The following FLT4 variants were observed in gnomAD, a reference collection of about 807,000 sequenced individuals.
The protein encoded by FLT4 is fms related receptor tyrosine kinase 4, also known as vascular endothelial growth factor receptor 3.
A neutral mutation model predicts 163.2 loss-of-function variants in FLT4; 30 were observed. The ratio of observed to expected loss-of-function variants is 0.18; its 90% CI spans 0.14 to 0.25. The LOEUF (loss-of-function observed/expected upper bound fraction) is 0.25, where lower values mean the gene tolerates loss of function less well. Ranked by LOEUF, FLT4 falls within the 10% of genes least tolerant of loss-of-function variation. The pLI is 1.00. For missense variants in FLT4, 1,510 were observed against 1,863.8 expected, an observed-to-expected ratio of 0.81 and a Z score of 3.50; for synonymous variants, 884 against 789.5, an observed-to-expected ratio of 1.12 and a Z score of -2.01.
In FLT4 at chr5:180,618,860, G is replaced by A. The variant is rs371615826; in HGVS notation, c.2911C>T (p.Arg971Trp). Residue 971 changes from arginine to tryptophan, a missense_variant, in exon 21 of 30, where the codon CGG becomes TGG. By Grantham distance (101) the Arg-to-Trp change is moderately radical. Around this residue, in one of 5 missense-constraint regions of FLT4, gnomAD observed 878 missense variants for 1,016.7 expected, o/e 0.86. Coordinates refer to ENST00000261937, the MANE Select transcript of FLT4 (RefSeq NM_182925.5). ...RAMVELARLD[R>W]RRPGSSDRVL... ...CTGTCGCTGCTCCCCGGCCGCCTCCGATCCAGCCTGGCGAGCTCCACCATG... is the reference window on the plus strand; with the variant it reads ...CTGTCGCTGCTCCCCGGCCGCCTCCAATCCAGCCTGGCGAGCTCCACCATG... The A allele has an allele frequency of 2.3e-5, 37 of 1,582,880 alleles. No homozygotes were observed. Among genetic ancestry groups the A allele is most frequent in the Non-Finnish European group, 3.1e-5 (36 of 1,165,180 alleles).
rs997721353 is a variant in FLT4, at chr5:180,607,610, T to C, written c.3893+1358A>G. Among the ~76,000 whole-genome samples, 10 of 146,748 alleles carry C rather than the reference T, an allele frequency of 6.8e-5. No homozygotes were observed. In the South Asian group the frequency reaches 8.8e-4, roughly 13 times the overall value. On this transcript the variant is annotated intron_variant, in intron 29 of 29. Transcript: ENST00000261937. ...GAGCAGAGATCGCACCACTGCACTC[T>C]AGCCTGGGAGACAGAGCGAGACTGT...
intron 8 of FLT4, 47 bp from the exon 9 acceptor site, chr5:180,626,312 C>T (rs753640331): frequency 6.3e-7 from 1 of 1,599,090 alleles, no homozygotes; most frequent in Non-Finnish European, 8.5e-7. Context: ...CCACCACAGC[C>T]CCAACCTCAT....
At chr5:180,625,410 G>C (rs550455838) in intron 10 of FLT4, among the ~76,000 whole-genome samples, 1 of 152,222 alleles carries the variant, frequency 6.6e-6, no homozygotes, top group African/African-American at 2.4e-5. Context: ...GGGGATGTGA[G>C]TGGTGCACAG....
intron 7 of FLT4, 21 bp downstream of exon 7, chr5:180,629,238 C>T: frequency 6.2e-7 from 1 of 1,612,364 alleles, no homozygotes; most frequent in Non-Finnish European, 8.5e-7. Context: ...GGCACAAGGA[C>T]CCTGGTTTCC....
At chr5:180,639,354 GATGGACAGGTAGATGA>G (rs1255775921) in intron 1 of FLT4, among the ~76,000 whole-genome samples, 9 of 78,280 alleles carry the variant, frequency 1.1e-4, no homozygotes, top group African/African-American at 2.9e-4. Context: ...TGAATGGATG[GATGGACAGGTAGATGA>G]GTGGATGGGT....
intron 21 of FLT4, 51 bp downstream of exon 21, chr5:180,618,719 T>C (rs756960471): frequency 1.1e-5 from 17 of 1,506,374 alleles, no homozygotes; most frequent in Non-Finnish European, 1.4e-5. Context: ...GATCACGGGA[T>C]ATAACCGGGC....
Position 180,620,548 on chromosome 5 carries a change from G to A in FLT4, c.2406+61C>T, listed in dbSNP as rs1165532828. 1.5e-6 allele frequency: 2 copies of A among 1,360,972 alleles called. No homozygotes were observed. The highest frequency in any genetic ancestry group is 2.1e-6 in the Non-Finnish European group (2 of 954,854). 84.3% of individuals were successfully genotyped at this position (1,360,972 alleles called of 1,614,324 possible). On this transcript the variant is annotated intron_variant, in intron 16 of 29. Transcript: ENST00000261937. This position sits in a 1 kb window ranked among gnomAD's most constrained non-coding sequence, Gnocchi z 4.4. ...GCGGGCACCTTATTCTTTATCTTAG[G>A]GGCGGCCAGGGTGGGGAAGGCCTGA... is the stretch of plus-strand genomic sequence containing the variant.
At chr5:180,628,341 C>T (rs142437723) in intron 8 of FLT4, among the ~76,000 whole-genome samples, 26 of 152,338 alleles carry the variant, frequency 1.7e-4, no homozygotes, top group Non-Finnish European at 2.9e-4. Context: ...CTTCTCTGGG[C>T]CGCAGCACAC....
At chr5:180,612,194 G>A (rs1293551111) in intron 26 of FLT4, among the ~76,000 whole-genome samples, 1 of 152,216 alleles carries the variant, frequency 6.6e-6, no homozygotes, top group African/African-American at 2.4e-5. Context: ...AATACATCAT[G>A]ACGATGCCAG....
At chr5:180,618,691 C>A in intron 21 of FLT4, 79 bp downstream of exon 21, 1 of 481,858 alleles carries the variant, frequency 2.1e-6, no homozygotes, top group Non-Finnish European at 3.3e-6. Context: ...CCGCTGAGGA[C>A]CCCAGGCTGG....
At chr5:180,649,340 C>T in intron 1 of FLT4, 148 bp downstream of exon 1, 1 of 494,592 alleles carries the variant, frequency 2.0e-6, no homozygotes, top group South Asian at 4.4e-5. Context: ...GCCCCAAGCG[C>T]CGTGCTCCCC....
chr5:180,612,262 G>A (rs1404860820), intron 26 of FLT4: 7 of 581,692 alleles, frequency 1.2e-5, no homozygotes, highest in Non-Finnish European at 2.2e-5. Context: ...CCTCGCGCAG[G>A]GACAGGCTCT....
At position 180,636,961 on chromosome 5, in the gene FLT4, C is replaced by T. The variant is rs947088212; in HGVS notation, c.59-5183G>A. Reference sequence around the variant, plus strand: ...CAGCACAACACTGGCAGCACAAGGCCCCCACAGGAGCTCCTCCCCCCCATT... The same window carrying T: ...CAGCACAACACTGGCAGCACAAGGCTCCCACAGGAGCTCCTCCCCCCCATT... On this transcript the variant is annotated intron_variant, in intron 1 of 29. Coordinates refer to ENST00000261937, the MANE Select transcript of FLT4 (RefSeq NM_182925.5). The surrounding 1 kb of genome is among the most constrained non-coding windows in gnomAD (Gnocchi z 4.3). Among the ~76,000 whole-genome samples, 1 of 152,144 alleles carries T rather than the reference C, an allele frequency of 6.6e-6. No homozygotes were observed. Among genetic ancestry groups the T allele is most frequent in the Admixed American group, 6.5e-5 (1 of 15,272 alleles).
chr5:180,605,500 G>C (rs1565818), intron 29 of FLT4, among the ~76,000 whole-genome samples: 10,911 of 152,148 alleles, frequency 0.072, 545 homozygotes, highest in Non-Finnish European at 0.11. Context: ...CTATAACTTT[G>C]TATGGAGGGT....
chr5:180,629,221 C>T lies in FLT4; in HGVS notation c.985+38G>A, dbSNP rs1347350345. ...GGGCACCGTGAGCTCTGGGCCCAGGCCCACAGGGCACAAGGACCCTGGTTT... is the reference window on the plus strand; with the variant it reads ...GGGCACCGTGAGCTCTGGGCCCAGGTCCACAGGGCACAAGGACCCTGGTTT... On this transcript the variant is annotated intron_variant, in intron 7 of 29. Coordinates refer to ENST00000261937, the MANE Select transcript of FLT4 (RefSeq NM_182925.5). 4.3e-6 allele frequency: 7 copies of T among 1,610,774 alleles called. No homozygotes were observed. The Admixed American group carries it at 5.0e-5, about 12-fold the overall frequency.
At chr5:180,612,881 T>A in intron 25 of FLT4, 130 bp downstream of exon 25, 1 of 727,504 alleles carries the variant, frequency 1.4e-6, no homozygotes, top group Non-Finnish European at 2.4e-6. Context: ...ACTACCCGTG[T>A]ATCTTGAGGG....
At chr5:180,607,042 C>T (rs1489991733) in intron 29 of FLT4, among the ~76,000 whole-genome samples, 2 of 152,178 alleles carry the variant, frequency 1.3e-5, no homozygotes, top group Non-Finnish European at 2.9e-5. Context: ...CGCACCACTG[C>T]ACTCTAGCCT....
intron 7 of FLT4, 129 bp downstream of exon 7, chr5:180,629,130 C>T (rs1470797309): frequency 6.9e-7 from 1 of 1,446,590 alleles, no homozygotes; most frequent in South Asian, 1.1e-5. Context: ...CCGCCCGGTG[C>T]AGGAGCTGGG....
intron 1 of FLT4, 140 bp from the exon 2 acceptor site, chr5:180,631,918 GCCTGGCCTCA>G: frequency 8.0e-6 from 1 of 124,648 alleles, no homozygotes; most frequent in East Asian, 8.7e-5. Flanking sequence ...GCACCGCGTG[GCCTGGCCTCA>G]CCATGTGCGC....
Sources: gnomAD v4.1 joint callset for allele counts (sites outside exome capture counted in the v4.1 genomes callset) on GRCh38, gnomAD v4.1.1 for gene constraint, gnomAD v4.1.1 regional missense constraint, Gnocchi (gnomAD v3.1) non-coding constraint, MANE v1.5 for transcripts, NCBI Gene and HGNC (gene_info 2026-07-23, HGNC 2026-07-21) for gene names.